The following NELL1 variants were observed in gnomAD, a reference collection of about 807,000 sequenced individuals.
NELL1 encodes neural EGFL like 1.
Under a neutral mutation model 107.4 loss-of-function variants are expected in NELL1, and 76 were observed. The ratio of observed to expected loss-of-function variants is 0.71; its 90% CI spans 0.59 to 0.86. NELL1 has a LOEUF of 0.86. Among genes scored for constraint, NELL1 ranks in the 40% least tolerant of loss-of-function variants. NELL1 has a pLI of 0.00. For synonymous variants in NELL1, 353 were observed against 341.2 expected, an observed-to-expected ratio of 1.03 and a Z score of -0.38; for missense variants, 1,024 against 1,005.5, an observed-to-expected ratio of 1.02 and a Z score of -0.25.
At chr11:21,017,067 C>T (rs1852582020) in intron 12 of NELL1, among the ~76,000 whole-genome samples, 1 of 152,114 alleles carries the variant, frequency 6.6e-6, no homozygotes, top group African/African-American at 2.4e-5. Context: ...CCACCATTCC[C>T]TTCTAAAGGT....
At chr11:21,189,667 T>A (rs1034418101) in intron 13 of NELL1, among the ~76,000 whole-genome samples, 1 of 129,830 alleles carries the variant, frequency 7.7e-6, no homozygotes, top group African/African-American at 2.8e-5. Flanking sequence ...ATTTTAGTTG[T>A]CTGTTGTTTC....
At chr11:20,912,255 G>A (rs1850149060) in intron 5 of NELL1, among the ~76,000 whole-genome samples, 1 of 152,074 alleles carries the variant, frequency 6.6e-6, no homozygotes, top group Admixed American at 6.6e-5. Flanking sequence ...CTTGGTGCCT[G>A]GTACATAAGC....
intron 13 of NELL1, among the ~76,000 whole-genome samples, chr11:21,166,041 C>A (rs1048083039): frequency 6.6e-6 from 1 of 151,694 alleles, no homozygotes; most frequent in African/African-American, 2.4e-5. Context: ...AGGGGTAAGC[C>A]ACCGTGCCTG....
chr11:21,411,141 G>A (rs531998952), intron 15 of NELL1, among the ~76,000 whole-genome samples: 17 of 152,152 alleles, frequency 1.1e-4, no homozygotes, highest in Admixed American at 1.1e-3. Context: ...AAGTAAAGAA[G>A]TAGTATCTAA....
At chr11:20,785,530 A>G (rs11025761) in intron 3 of NELL1, among the ~76,000 whole-genome samples, 43,590 of 152,152 alleles carry the variant, frequency 0.29, 7,040 homozygotes, top group African/African-American at 0.43. Context: ...GGTTATACAA[A>G]TGCCCAAAGT....
At chr11:21,463,372 C>A (rs1481216588) in intron 15 of NELL1, among the ~76,000 whole-genome samples, 1 of 152,038 alleles carries the variant, frequency 6.6e-6, no homozygotes, top group African/African-American at 2.4e-5. Flanking sequence ...TATAGCCTCA[C>A]CTCAGGCTGC....
At chr11:21,480,284 C>T (rs1854460761) in intron 15 of NELL1, among the ~76,000 whole-genome samples, 2 of 152,054 alleles carry the variant, frequency 1.3e-5, no homozygotes, top group Non-Finnish European at 2.9e-5. Flanking sequence ...TGTTTTCATT[C>T]TTATTAAATT....
At chr11:21,277,665 A>G (rs1416796568) in intron 14 of NELL1, among the ~76,000 whole-genome samples, 1 of 152,236 alleles carries the variant, frequency 6.6e-6, no homozygotes, top group Non-Finnish European at 1.5e-5. Context: ...CCCATCAGTG[A>G]TAGACTGGAT....
intron 13 of NELL1, among the ~76,000 whole-genome samples, chr11:21,163,421 T>G (rs1481305483): frequency 6.6e-6 from 1 of 152,118 alleles, no homozygotes; most frequent in East Asian, 1.9e-4. Flanking sequence ...CAGAAGTAAA[T>G]CAATGGTAGT....
chr11:21,355,924 C>T (rs1324858882), intron 14 of NELL1, among the ~76,000 whole-genome samples: 1 of 152,102 alleles, frequency 6.6e-6, no homozygotes, highest in East Asian at 1.9e-4. Flanking sequence ...TCCTTGGGGC[C>T]TTTGCACTTG....
chr11:20,868,502 C>G (rs1849135966), intron 4 of NELL1, among the ~76,000 whole-genome samples: 1 of 151,938 alleles, frequency 6.6e-6, no homozygotes, highest in Non-Finnish European at 1.5e-5. Flanking sequence ...ATTAATGTTA[C>G]TGAATTGTAC....
intron 5 of NELL1, among the ~76,000 whole-genome samples, chr11:20,917,598 G>A (rs2134158225): frequency 6.6e-6 from 1 of 152,004 alleles, no homozygotes; most frequent in Admixed American, 6.6e-5. Context: ...TTTTCATTGA[G>A]AGATGACAGC....
intron 15 of NELL1, among the ~76,000 whole-genome samples, chr11:21,526,942 T>C (rs1178790734): frequency 6.6e-6 from 1 of 152,228 alleles, no homozygotes; most frequent in Admixed American, 6.5e-5. Flanking sequence ...TCTTGGTGAT[T>C]AGCATTTGGC....
At chr11:20,857,625 T>C (rs1848907414) in intron 4 of NELL1, among the ~76,000 whole-genome samples, 1 of 151,674 alleles carries the variant, frequency 6.6e-6, no homozygotes, top group South Asian at 2.1e-4. Context: ...ACCGGCAGAG[T>C]TGGATGGGTG....
chr11:21,273,492 C>T (rs1042153318), intron 14 of NELL1, among the ~76,000 whole-genome samples: 2 of 152,132 alleles, frequency 1.3e-5, no homozygotes, highest in African/African-American at 2.4e-5. Flanking sequence ...GGGTATTATC[C>T]AGGAGAACTT....
intron 7 of NELL1, among the ~76,000 whole-genome samples, chr11:20,924,784 C>T (rs1158867294): frequency 1.3e-5 from 2 of 152,132 alleles, no homozygotes; most frequent in African/African-American, 2.4e-5. Context: ...GGTCATATAT[C>T]TGTTACTGCC....
intron 2 of NELL1, among the ~76,000 whole-genome samples, chr11:20,687,444 C>G (rs1854334650): frequency 1.3e-5 from 2 of 151,548 alleles, no homozygotes; most frequent in Admixed American, 1.3e-4. Context: ...AGAAGACAGA[C>G]TATTTGACAT....
At chr11:21,424,207 G>A (rs533956582) in intron 15 of NELL1, among the ~76,000 whole-genome samples, 18 of 152,200 alleles carry the variant, frequency 1.2e-4, no homozygotes, top group African/African-American at 4.3e-4. Flanking sequence ...CAACAAAATT[G>A]ACAAACATTT....
chr11:21,410,027 T>C (rs1470229010), intron 15 of NELL1, among the ~76,000 whole-genome samples: 2 of 152,098 alleles, frequency 1.3e-5, no homozygotes, highest in Admixed American at 6.6e-5. Context: ...TTCACAATAA[T>C]CACACATTTC....
Sources: gnomAD v4.1 joint callset for allele counts (sites outside exome capture counted in the v4.1 genomes callset) on GRCh38, gnomAD v4.1.1 for gene constraint, MANE v1.5 for transcripts, NCBI Gene and HGNC (gene_info 2026-07-23, HGNC 2026-07-21) for gene names.